Variants in ANXA10 observed in about 807,000 individuals in gnomAD.
ANXA10 encodes annexin A10, also known as annexin 14.
In ANXA10, 49 loss-of-function variants were observed where a neutral mutation model predicts 53.5. The observed-to-expected ratio is 0.92, with a 90% CI of 0.73 to 1.16. The LOEUF is 1.16. Ranked by LOEUF, ANXA10 falls within the 50% of genes most tolerant of loss-of-function variation. The probability of loss-of-function intolerance (pLI) is 0.00; values close to 1 mark genes in which losing one functional copy is unlikely to be tolerated. For synonymous variants in ANXA10, 131 were observed against 128.9 expected (o/e 1.02, Z -0.11); for missense variants, 393 against 394.4 (o/e 1.00, Z 0.03).
At chr4:168,116,430 A>T (rs183964043) in intron 1 of ANXA10, among the ~76,000 whole-genome samples, 2 of 152,268 alleles carry the variant, frequency 1.3e-5, no homozygotes, top group Admixed American at 6.5e-5. Context: ...CCTCTGAGCC[A>T]ATTTTGTTTT....
chr4:168,171,076 T>C (rs1483000326), intron 6 of ANXA10, among the ~76,000 whole-genome samples: 2 of 152,164 alleles, frequency 1.3e-5, no homozygotes, highest in Non-Finnish European at 2.9e-5. Flanking sequence ...TTCAGAAAAT[T>C]GGAAAAGATA....
intron 1 of ANXA10, among the ~76,000 whole-genome samples, chr4:168,105,484 A>T (rs753765102): frequency 2.6e-5 from 4 of 152,056 alleles, no homozygotes; most frequent in Non-Finnish European, 5.9e-5. Context: ...TCCATGTTGT[A>T]TATGTGCCAC....
intron 3 of ANXA10, among the ~76,000 whole-genome samples, chr4:168,143,112 C>A (rs893453651): frequency 6.6e-6 from 1 of 152,008 alleles, no homozygotes; most frequent in Admixed American, 6.6e-5. Context: ...CACCAATTGC[C>A]TAGATTTCTT....
At chr4:168,118,610 T>A (rs1730935989) in intron 1 of ANXA10, among the ~76,000 whole-genome samples, 2 of 152,172 alleles carry the variant, frequency 1.3e-5, no homozygotes, top group Admixed American at 1.3e-4. Flanking sequence ...ATCTGGCTGG[T>A]ATTTTGCTCA....
chr4:168,171,157 G>C (rs1256848854), intron 6 of ANXA10, among the ~76,000 whole-genome samples: 1 of 152,182 alleles, frequency 6.6e-6, no homozygotes, highest in Middle Eastern at 3.2e-3. Context: ...CACAATTTCA[G>C]AGAGAATCTG....
At chr4:168,179,520 T>C (rs1732198872) in intron 9 of ANXA10, among the ~76,000 whole-genome samples, 1 of 152,194 alleles carries the variant, frequency 6.6e-6, no homozygotes, top group Non-Finnish European at 1.5e-5. Context: ...ATAACTTTAA[T>C]GAACTGATAC....
chr4:168,168,140 T>C (rs538322491), intron 6 of ANXA10, among the ~76,000 whole-genome samples: 3 of 152,314 alleles, frequency 2.0e-5, no homozygotes, highest in Admixed American at 2.0e-4. Flanking sequence ...AGAGTGCATT[T>C]CCCTTCCAAG....
At chr4:168,139,938 A>T (rs60435179) in intron 3 of ANXA10, among the ~76,000 whole-genome samples, 8,988 of 152,178 alleles carry the variant, frequency 0.059, 864 homozygotes, top group African/African-American at 0.2. Flanking sequence ...TAGGGAAGGC[A>T]CATAAAAAAT....
At chr4:168,147,259 G>T (rs1005289442) in intron 3 of ANXA10, among the ~76,000 whole-genome samples, 1 of 152,118 alleles carries the variant, frequency 6.6e-6, no homozygotes, top group Non-Finnish European at 1.5e-5. Context: ...GGAATATCAG[G>T]CATCAGGGTC....
At chr4:168,110,140 G>C (rs952259198) in intron 1 of ANXA10, among the ~76,000 whole-genome samples, 2 of 152,224 alleles carry the variant, frequency 1.3e-5, no homozygotes, top group African/African-American at 4.8e-5. Flanking sequence ...GAACCCGGAA[G>C]TTGGAGCTTG....
chr4:168,103,251 T>C (rs1055594257), intron 1 of ANXA10, among the ~76,000 whole-genome samples: 1 of 152,026 alleles, frequency 6.6e-6, no homozygotes, highest in African/African-American at 2.4e-5. Flanking sequence ...ACCCAAGTCA[T>C]GTAGATTTTT....
chr4:168,101,515 G>T, intron 1 of ANXA10, among the ~76,000 whole-genome samples: 1 of 136,232 alleles, frequency 7.3e-6, no homozygotes. Flanking sequence ...GGAAGGGGAC[G>T]GGGGGAAGCT....
At chr4:168,096,352 G>A (rs1377559598) in intron 1 of ANXA10, among the ~76,000 whole-genome samples, 2 of 152,100 alleles carry the variant, frequency 1.3e-5, no homozygotes, top group African/African-American at 4.8e-5. Flanking sequence ...TACATTGTCT[G>A]AACTTTACAC....
intron 3 of ANXA10, among the ~76,000 whole-genome samples, chr4:168,150,072 G>A (rs776827163): frequency 9.2e-5 from 14 of 152,096 alleles, no homozygotes; most frequent in African/African-American, 2.4e-4. Flanking sequence ...CTGCAGGATC[G>A]TCTCCAAGGT....
intron 1 of ANXA10, among the ~76,000 whole-genome samples, chr4:168,118,460 C>CT (rs1730933166): frequency 6.6e-6 from 1 of 152,166 alleles, no homozygotes; most frequent in African/African-American, 2.4e-5. Flanking sequence ...CTGAAAAATT[C>CT]TTTAGAACAA....
chr4:168,096,926 A>ATATATATGTATATATATATATATATATG lies in ANXA10; in HGVS notation c.18+4211_18+4212insATATGTATATATATATATATATATGTAT, dbSNP rs371811709. Among the ~76,000 whole-genome samples, 239 of 129,894 alleles carry ATATATATGTATATATATATATATATATG rather than the reference A, an allele frequency of 1.8e-3. 1 individual carries two copies. The highest frequency in any genetic ancestry group is 6.1e-3 in the African/African-American group (203 of 33,474). 85.2% of individuals were successfully genotyped at this position (129,894 alleles called of 152,430 possible). On this transcript the variant is annotated intron_variant, in intron 1 of 11. Transcript: ENST00000359299. ...AATACAAATGCATATATATATATAT[A>ATATATATGTATATATATATATATATATG]TATGTATGTATATGTATATACAATA... is the stretch of plus-strand genomic sequence containing the variant.
At chr4:168,152,535 G>A (rs1467941476) in intron 3 of ANXA10, among the ~76,000 whole-genome samples, 1 of 151,990 alleles carries the variant, frequency 6.6e-6, no homozygotes, top group Non-Finnish European at 1.5e-5. Context: ...TAAAATAATG[G>A]TATAGTTTAT....
chr4:168,144,279 C>G (rs1731373084), intron 3 of ANXA10, among the ~76,000 whole-genome samples: 1 of 152,152 alleles, frequency 6.6e-6, no homozygotes, highest in Non-Finnish European at 1.5e-5. Flanking sequence ...CTCCACCTCC[C>G]AGGTTCAAGC....
At chr4:168,143,150 C>G (rs1731352371) in intron 3 of ANXA10, among the ~76,000 whole-genome samples, 1 of 152,116 alleles carries the variant, frequency 6.6e-6, no homozygotes, top group Non-Finnish European at 1.5e-5. Context: ...CTGGCTGCTA[C>G]CAGGTTAATT....
Sources: allele counts gnomAD v4.1 joint callset (sites outside exome capture counted in the v4.1 genomes callset), GRCh38; gene constraint gnomAD v4.1.1; transcripts MANE v1.5; gene names NCBI Gene and HGNC (gene_info 2026-07-23, HGNC 2026-07-21).